Variants in GALNT13 observed in about 807,000 individuals in gnomAD.
GALNT13 encodes the protein polypeptide N-acetylgalactosaminyltransferase 13, also known as UDP-GalNAc:polypeptide N-acetylgalactosaminyltransferase 13.
A neutral mutation model predicts 64.2 loss-of-function variants in GALNT13; 28 were observed. That is an observed-to-expected ratio of 0.44 (90% CI 0.32 to 0.60). GALNT13 has a LOEUF of 0.60. Among genes scored for constraint, GALNT13 ranks in the 20% least tolerant of loss-of-function variants. GALNT13 has a pLI of 0.05. For synonymous variants in GALNT13, 214 were observed against 224.6 expected (o/e 0.95, Z 0.42); for missense variants, 577 against 669.8 (o/e 0.86, Z 1.53).
chr2:154,276,079 C>G (rs1691635477), intron 8 of GALNT13, among the ~76,000 whole-genome samples: 1 of 152,152 alleles, frequency 6.6e-6, no homozygotes, highest in Non-Finnish European at 1.5e-5. Flanking sequence ...CCCATTGTAT[C>G]TAGGAGGTAA....
chr2:153,660,322 T>A, the GALNT13 span, among the ~76,000 whole-genome samples: 2 of 151,444 alleles, frequency 1.3e-5, no homozygotes, highest in African/African-American at 4.9e-5. Context: ...AGATCCAGAG[T>A]GAGAAAGAAG....
the GALNT13 span, among the ~76,000 whole-genome samples, chr2:153,220,448 G>C: frequency 6.6e-6 from 1 of 152,230 alleles, no homozygotes; most frequent in Admixed American, 6.5e-5. Flanking sequence ...ATTGGAAAGG[G>C]GAAGAAAGCC....
At chr2:154,219,991 G>A (rs1688242252) in intron 4 of GALNT13, among the ~76,000 whole-genome samples, 1 of 152,076 alleles carries the variant, frequency 6.6e-6, no homozygotes, top group South Asian at 2.1e-4. Context: ...AACTTCCAGG[G>A]CAGATCCAGG....
the GALNT13 span, among the ~76,000 whole-genome samples, chr2:153,710,057 A>G: frequency 1.3e-5 from 2 of 152,044 alleles, no homozygotes; most frequent in Non-Finnish European, 2.9e-5. Context: ...TCTTAGATCT[A>G]TCGCACAGCA....
the GALNT13 span, among the ~76,000 whole-genome samples, chr2:153,279,241 G>A: frequency 6.6e-6 from 1 of 152,228 alleles, no homozygotes; most frequent in East Asian, 1.9e-4. Flanking sequence ...TTGTTTATCA[G>A]TTCCAGGAGC....
At position 154,341,583 on chromosome 2, in the gene GALNT13, A is replaced by G. The variant is rs552420141; in HGVS notation, c.1156+39994A>G. On this transcript the variant is annotated intron_variant, in intron 9 of 12. Coordinates refer to ENST00000392825, the MANE Select transcript of GALNT13 (RefSeq NM_052917.4). ...AGACCCATGTGACTGCAGCAAAGTG[A>G]GAAGTTGTGGAACATGAGGTCAGAC... Among the ~76,000 whole-genome samples the G allele has an allele frequency of 2.6e-5, 4 of 152,186 alleles. No homozygotes were observed. The South Asian group carries it at 8.3e-4, about 32-fold the overall frequency.
intron 3 of GALNT13, among the ~76,000 whole-genome samples, chr2:153,947,743 T>C (rs1286683225): frequency 6.6e-6 from 1 of 152,124 alleles, no homozygotes. Context: ...GTCTTCATCA[T>C]GAAATCTTTT....
chr2:154,001,864 C>A (rs1448045355), intron 3 of GALNT13, among the ~76,000 whole-genome samples: 5 of 151,918 alleles, frequency 3.3e-5, no homozygotes, highest in African/African-American at 1.2e-4. Flanking sequence ...TATGTATTTC[C>A]TTAGCTTTTG....
the GALNT13 span, among the ~76,000 whole-genome samples, chr2:153,611,463 G>A: frequency 6.6e-6 from 1 of 151,920 alleles, no homozygotes; most frequent in Admixed American, 6.6e-5. Flanking sequence ...CTGACTCCCA[G>A]GTTCAAGCAA....
At chr2:153,925,946 G>GC (rs1209867375) in intron 2 of GALNT13, among the ~76,000 whole-genome samples, 13 of 152,176 alleles carry the variant, frequency 8.5e-5, no homozygotes, top group African/African-American at 3.1e-4. Context: ...AGATTAAGAA[G>GC]CTTTTGGGCT....
At chr2:153,545,278 T>C in the GALNT13 span, among the ~76,000 whole-genome samples, 1 of 152,100 alleles carries the variant, frequency 6.6e-6, no homozygotes, top group African/African-American at 2.4e-5. Flanking sequence ...TATCTGGAGC[T>C]CCAGATTTTA....
intron 8 of GALNT13, among the ~76,000 whole-genome samples, chr2:154,276,070 C>T (rs1419910911): frequency 6.6e-6 from 1 of 152,094 alleles, no homozygotes; most frequent in Non-Finnish European, 1.5e-5. Context: ...GCCTGTACCC[C>T]CATTGTATCT....
At chr2:153,656,713 G>T in the GALNT13 span, among the ~76,000 whole-genome samples, 17 of 152,192 alleles carry the variant, frequency 1.1e-4, no homozygotes, top group African/African-American at 4.1e-4. Flanking sequence ...GAAATGTCAA[G>T]AAAAAGTTCT....
At chr2:153,790,011 A>G in the GALNT13 span, among the ~76,000 whole-genome samples, 8 of 152,176 alleles carry the variant, frequency 5.3e-5, no homozygotes, top group Admixed American at 4.6e-4. Flanking sequence ...TGTACAAAGA[A>G]GAGCTGGTAA....
chr2:154,356,148 T>C (rs1221476389), intron 9 of GALNT13, among the ~76,000 whole-genome samples: 1 of 152,064 alleles, frequency 6.6e-6, no homozygotes, highest in African/African-American at 2.4e-5. Flanking sequence ...CTGTTTGCTT[T>C]GTTTTTTGAC....
intron 3 of GALNT13, among the ~76,000 whole-genome samples, chr2:154,015,014 A>G (rs1279534181): frequency 6.6e-6 from 1 of 152,212 alleles, no homozygotes; most frequent in African/African-American, 2.4e-5. Flanking sequence ...TATACATTGA[A>G]TAGAAAAATA....
At chr2:153,274,309 A>C in the GALNT13 span, among the ~76,000 whole-genome samples, 4 of 152,236 alleles carry the variant, frequency 2.6e-5, no homozygotes, top group Non-Finnish European at 5.9e-5. Flanking sequence ...GTACTGGGTC[A>C]GGGCCTATGT....
At chr2:153,593,511 C>T in the GALNT13 span, among the ~76,000 whole-genome samples, 2 of 152,126 alleles carry the variant, frequency 1.3e-5, no homozygotes, top group African/African-American at 4.8e-5. Flanking sequence ...TAGTGAAAGA[C>T]AAAGGGCAAC....
intron 3 of GALNT13, among the ~76,000 whole-genome samples, chr2:153,968,003 C>G (rs1693487763): frequency 6.9e-6 from 1 of 144,160 alleles, no homozygotes; most frequent in East Asian, 1.9e-4. Flanking sequence ...TCTCTCCTGA[C>G]CCAAGCAGAA....
Sources: gnomAD v4.1 joint callset for allele counts (sites outside exome capture counted in the v4.1 genomes callset) on GRCh38, gnomAD v4.1.1 for gene constraint, MANE v1.5 for transcripts, NCBI Gene and HGNC (gene_info 2026-07-23, HGNC 2026-07-21) for gene names.